The following MLIP variants were observed in gnomAD, a reference collection of about 807,000 sequenced individuals.
MLIP encodes the protein muscular LMNA interacting protein, also known as muscular LMNA-interacting protein.
A neutral mutation model predicts 84.8 loss-of-function variants in MLIP; 79 were observed. The ratio of observed to expected loss-of-function variants is 0.93; its 90% CI spans 0.78 to 1.12. The LOEUF (loss-of-function observed/expected upper bound fraction) is 1.12, where lower values mean the gene tolerates loss of function less well. Ranked by LOEUF, MLIP falls within the 50% of genes most tolerant of loss-of-function variation. The probability of loss-of-function intolerance (pLI) is 0.00; values close to 1 mark genes in which losing one functional copy is unlikely to be tolerated. For synonymous variants in MLIP, 504 were observed against 463.0 expected (o/e 1.09, Z -1.14); for missense variants, 1,257 against 1,160.6 (o/e 1.08, Z -1.21).
At chr6:54,241,908 A>G (rs1314908289) in intron 12 of MLIP, among the ~76,000 whole-genome samples, 1 of 152,136 alleles carries the variant, frequency 6.6e-6, no homozygotes, top group Admixed American at 6.6e-5. Context: ...GTAAAGAATC[A>G]CTCCACTTAT....
chr6:54,065,309 A>T (rs1410499363), intron 1 of MLIP, among the ~76,000 whole-genome samples: 1 of 100,586 alleles, frequency 9.9e-6, no homozygotes, highest in African/African-American at 2.5e-5. Context: ...TAAATTATAA[A>T]GAATTATCAT....
intron 12 of MLIP, 144 bp downstream of exon 12, chr6:54,231,061 T>G: frequency 1.6e-6 from 1 of 618,224 alleles, no homozygotes; most frequent in African/African-American, 1.8e-5. Context: ...ATTAAATATT[T>G]GTGTGAAAGC....
intron 4 of MLIP, among the ~76,000 whole-genome samples, chr6:54,147,188 T>C (rs1772936214): frequency 6.6e-6 from 1 of 152,134 alleles, no homozygotes; most frequent in African/African-American, 2.4e-5. Flanking sequence ...TAGGTATTCT[T>C]TGGAAGAAAA....
At chr6:54,210,748 G>T (rs1440323414) in intron 11 of MLIP, among the ~76,000 whole-genome samples, 11 of 91,298 alleles carry the variant, frequency 1.2e-4, no homozygotes, top group Non-Finnish European at 1.3e-4. Flanking sequence ...AAAAAAAAAT[G>T]TTCTAATGTT....
Position 54,137,903 on chromosome 6 carries a change from C to G in MLIP, c.1834C>G (p.His612Asp), listed in dbSNP as rs1771956132. ...ATFSSSEKCF[H>D]PSPALSSLIN... The stretch of plus-strand genomic sequence containing the variant: ...GTTCTCTTCTTCAGAGAAATGTTTC[C>G]ATCCTTCCCCAGCTCTTTCAAGCCT... Residue 612 changes from histidine (H) to aspartate (D), a missense_variant, in exon 4 of 14, where the codon CAT becomes GAT. By Grantham distance (81) the His-to-Asp change is moderately conservative. Coordinates refer to ENST00000502396, the MANE Select transcript of MLIP (RefSeq NM_001281747.2). The G allele has an allele frequency of 2.6e-6, 4 of 1,535,892 alleles. No individual in the cohort carries two copies. The highest frequency in any genetic ancestry group is 3.5e-6 in the Non-Finnish European group (4 of 1,146,896).
intron 1 of MLIP, among the ~76,000 whole-genome samples, chr6:54,072,363 T>C (rs1766539323): frequency 6.6e-6 from 1 of 152,294 alleles, no homozygotes. Context: ...TCTCCTCACT[T>C]GATGGTTTGC....
At chr6:54,261,475 C>G (rs979847301) in intron 13 of MLIP, among the ~76,000 whole-genome samples, 10 of 152,016 alleles carry the variant, frequency 6.6e-5, no homozygotes, top group Non-Finnish European at 1.0e-4. Flanking sequence ...AAAACACATG[C>G]TAGGCAAATT....
At chr6:54,182,611 T>A (rs558600783) in intron 9 of MLIP, among the ~76,000 whole-genome samples, 1 of 152,344 alleles carries the variant, frequency 6.6e-6, no homozygotes, top group East Asian at 1.9e-4. Flanking sequence ...CCCTCAGGGA[T>A]GAATTATCTA....
Position 54,124,694 on chromosome 6 carries a change from A to G in MLIP, c.474A>G (p.Glu158=), listed in dbSNP as rs1561954206. ...ATGAGGCTGCAAGCAGAAAAGTTGA[A>G]CAAGGCCCCCCAGGGGGGATTGGCA... The part of the protein sequence containing the change: ...GEDEAASRKV[E]QGPPGGIGTA... Residue 158 remains glutamate, a synonymous_variant, in exon 3 of 14, where the codon GAA becomes GAG. Coordinates refer to ENST00000502396, the MANE Select transcript of MLIP (RefSeq NM_001281747.2). The G allele has an allele frequency of 1.9e-6, 3 of 1,614,090 alleles. No individual in the cohort carries two copies. Among genetic ancestry groups the G allele is most frequent in the Non-Finnish European group, 1.7e-6 (2 of 1,180,034 alleles).
At chr6:54,157,411 A>G (rs2150551822) in intron 5 of MLIP, among the ~76,000 whole-genome samples, 1 of 152,118 alleles carries the variant, frequency 6.6e-6, no homozygotes, top group Middle Eastern at 3.4e-3. Flanking sequence ...TCCTTATCCA[A>G]CTGACCAGGT....
At chr6:54,075,914 T>G (rs1436435481) in intron 1 of MLIP, among the ~76,000 whole-genome samples, 1 of 152,246 alleles carries the variant, frequency 6.6e-6, no homozygotes, top group Admixed American at 6.5e-5. Flanking sequence ...CAAGTTTTGC[T>G]ACACTTAATA....
chr6:54,152,021 A>T (rs1235332495), intron 5 of MLIP, among the ~76,000 whole-genome samples: 1 of 152,098 alleles, frequency 6.6e-6, no homozygotes, highest in Admixed American at 6.6e-5. Context: ...ATTTAAATTT[A>T]TATCTTATTC....
At chr6:54,183,909 A>G (rs1436199204) in intron 9 of MLIP, among the ~76,000 whole-genome samples, 1 of 152,026 alleles carries the variant, frequency 6.6e-6, no homozygotes, top group Non-Finnish European at 1.5e-5. Flanking sequence ...GTCATAATTT[A>G]TCTCATGGCC....
intron 1 of MLIP, among the ~76,000 whole-genome samples, chr6:54,063,721 CGTGTGTGTGTGTGTGTGTGT>C (rs368630379): frequency 7.0e-6 from 1 of 143,134 alleles, no homozygotes; most frequent in African/African-American, 2.5e-5. Flanking sequence ...AGGTCAGTGG[CGTGTGTGTGTGTGTGTGTGT>C]GTGTGTGTGT....
intron 1 of MLIP, among the ~76,000 whole-genome samples, chr6:54,095,326 T>C (rs1482420245): frequency 6.6e-6 from 1 of 152,172 alleles, no homozygotes; most frequent in Non-Finnish European, 1.5e-5. Context: ...TTGCTCCCTC[T>C]ACTCAGAAGG....
At chr6:54,093,186 G>A (rs1767973394) in intron 1 of MLIP, among the ~76,000 whole-genome samples, 1 of 152,006 alleles carries the variant, frequency 6.6e-6, no homozygotes, top group Non-Finnish European at 1.5e-5. Context: ...CCGAGTTATT[G>A]AATCTTAAAG....
chr6:54,073,939 T>A (rs1351538737), intron 1 of MLIP, among the ~76,000 whole-genome samples: 1 of 152,218 alleles, frequency 6.6e-6, no homozygotes, highest in South Asian at 2.1e-4. Flanking sequence ...CCACAATTTA[T>A]AATAAAAAAT....
At chr6:54,125,619 A>T (rs1770858954) in intron 3 of MLIP, among the ~76,000 whole-genome samples, 1 of 152,186 alleles carries the variant, frequency 6.6e-6, no homozygotes, top group Admixed American at 6.5e-5. Context: ...CTATAATGAA[A>T]ATGTAAGGTG....
intron 12 of MLIP, among the ~76,000 whole-genome samples, chr6:54,234,983 G>A (rs1223759904): frequency 6.6e-6 from 1 of 152,070 alleles, no homozygotes; most frequent in African/African-American, 2.4e-5. Context: ...ATCTTTAGCT[G>A]CTTGCTTATC....
Sources: gnomAD v4.1 joint callset for allele counts (sites outside exome capture counted in the v4.1 genomes callset) on GRCh38, gnomAD v4.1.1 for gene constraint, MANE v1.5 for transcripts, NCBI Gene and HGNC (gene_info 2026-07-23, HGNC 2026-07-21) for gene names.